Variants in DYM observed in about 807,000 individuals in gnomAD.
The protein encoded by DYM is dymeclin.
In DYM, 78 loss-of-function variants were observed where a neutral mutation model predicts 93.1. That is an observed-to-expected ratio of 0.84 (90% CI 0.70 to 1.01). The LOEUF (loss-of-function observed/expected upper bound fraction) is 1.01. DYM is among the 50% of genes least tolerant of loss of function. The probability of loss-of-function intolerance (pLI) is 0.00; values close to 1 mark genes in which losing one functional copy is unlikely to be tolerated. For synonymous variants in DYM, 321 were observed against 319.7 expected (o/e 1.00, Z -0.04); for missense variants, 789 against 845.0 (o/e 0.93, Z 0.82).
At chr18:49,090,442 A>C (rs1213262948) in intron 17 of DYM, among the ~76,000 whole-genome samples, 1 of 152,252 alleles carries the variant, frequency 6.6e-6, no homozygotes, top group African/African-American at 2.4e-5. Context: ...AAAAATAAAA[A>C]CAGGAGAAAA....
intron 17 of DYM, among the ~76,000 whole-genome samples, chr18:49,060,807 C>G (rs2075929038): frequency 7.1e-6 from 1 of 141,592 alleles, no homozygotes; most frequent in South Asian, 2.2e-4. Context: ...GAGAGAGAGA[C>G]CGTGAAAAGT....
intron 13 of DYM, among the ~76,000 whole-genome samples, chr18:49,229,679 G>A (rs1246874971): frequency 1.3e-5 from 2 of 152,066 alleles, no homozygotes; most frequent in African/African-American, 4.8e-5. Context: ...AATGCAAAAT[G>A]GTATGGCCAC....
intron 2 of DYM, among the ~76,000 whole-genome samples, chr18:49,410,433 G>T (rs1294804500): frequency 6.7e-6 from 1 of 150,288 alleles, no homozygotes; most frequent in African/African-American, 2.4e-5. Flanking sequence ...AGGGATTAAG[G>T]TTAAAAAAAA....
chr18:49,362,558 T>C (rs1041760793), intron 6 of DYM, among the ~76,000 whole-genome samples: 4 of 152,170 alleles, frequency 2.6e-5, no homozygotes, highest in Admixed American at 6.5e-5. Context: ...TCTTGGTTCA[T>C]GGTGCCAAGA....
chr18:49,091,137 A>G (rs2079012693), intron 17 of DYM, among the ~76,000 whole-genome samples: 1 of 152,148 alleles, frequency 6.6e-6, no homozygotes, highest in Non-Finnish European at 1.5e-5. Context: ...GTTCGTTGGT[A>G]TCCCTCTCTT....
chr18:49,289,750 TATATATATATATATATATATATACAC>T (rs2059949083), intron 8 of DYM, among the ~76,000 whole-genome samples: 4 of 41,554 alleles, frequency 9.6e-5, no homozygotes, highest in Admixed American at 5.9e-4. Flanking sequence ...TATATATATA[TATATATATATATATATATATATACAC>T]ATATATATAT....
chr18:49,097,874 G>GTTCT (rs368456184), intron 16 of DYM, among the ~76,000 whole-genome samples: 1 of 141,180 alleles, frequency 7.1e-6, no homozygotes, highest in Non-Finnish European at 1.5e-5. Context: ...CTTAATATTA[G>GTTCT]CTCTCTCTCT....
rs1232310793 is a variant in DYM at position 49,357,650 on chromosome 18, G to A, written c.494+5511C>T. Reference sequence around the variant, plus strand: ...AAAATGCTTTAAGCACAGTGAACAGGTTAGACCCTTACTAATTTACTCAGT... The same window carrying A: ...AAAATGCTTTAAGCACAGTGAACAGATTAGACCCTTACTAATTTACTCAGT... On this transcript the variant is annotated intron_variant, in intron 6 of 17. Coordinates refer to ENST00000675505, the MANE Select transcript of DYM (RefSeq NM_001353214.3). 2.6e-5 allele frequency among the ~76,000 whole-genome samples: 4 copies of A among 152,272 alleles called. No individual in the cohort carries two copies. The East Asian group carries it at 7.7e-4, about 29-fold the overall frequency.
At chr18:49,234,222 AG>A (rs1446886740) in intron 13 of DYM, among the ~76,000 whole-genome samples, 1 of 152,144 alleles carries the variant, frequency 6.6e-6, no homozygotes, top group Non-Finnish European at 1.5e-5. Context: ...TGGGAGGTCG[AG>A]GTAGGAGGAT....
intron 1 of DYM, among the ~76,000 whole-genome samples, chr18:49,433,847 G>A (rs1363963862): frequency 4.0e-5 from 6 of 151,400 alleles, no homozygotes; most frequent in South Asian, 4.2e-4. Context: ...CAGCCTGGGC[G>A]ACAGAGTGAA....
rs56240607 is a variant in DYM at position 49,289,404 on chromosome 18, T to TAAAAAAAAAAAAAAAAAAAAA, written c.764-2809_764-2789dup. On this transcript the variant is annotated intron_variant, in intron 8 of 17. Transcript: ENST00000675505. Reference sequence around the variant, plus strand: ...ATTTTTTTAAAAATCTACAAATCAGTAAAAAAAAAAAAAAAAAAAAAAAAA... The same window carrying TAAAAAAAAAAAAAAAAAAAAA: ...ATTTTTTTAAAAATCTACAAATCAGTAAAAAAAAAAAAAAAAAAAAAAAAAAAAAAAAAAAAAAAAAAAAAA... 1.2e-4 allele frequency among the ~76,000 whole-genome samples: 4 copies of TAAAAAAAAAAAAAAAAAAAAA among 33,508 alleles called. 1 individual carries two copies. The highest frequency in any genetic ancestry group is 4.9e-4 in the African/African-American group (4 of 8,172). The allele number at this position is 33,508 out of a possible 152,430, so 22.0% of individuals were successfully genotyped here. A position where few individuals can be genotyped will look rare whatever the true frequency, so the allele number is the denominator to read the frequency against.
At chr18:49,185,729 C>T (rs1453749728) in intron 14 of DYM, among the ~76,000 whole-genome samples, 7 of 152,168 alleles carry the variant, frequency 4.6e-5, no homozygotes, top group Non-Finnish European at 8.8e-5. Context: ...TACACATGGC[C>T]TCGTTTAATC....
chr18:49,163,421 C>T (rs187289868), intron 15 of DYM, among the ~76,000 whole-genome samples: 48 of 152,318 alleles, frequency 3.2e-4, no homozygotes, highest in African/African-American at 1.1e-3. Flanking sequence ...TCTCAGCTCA[C>T]TGCAACCTCT....
At chr18:49,345,486 G>T (rs550738688) in intron 6 of DYM, among the ~76,000 whole-genome samples, 1 of 152,244 alleles carries the variant, frequency 6.6e-6, no homozygotes, top group African/African-American at 2.4e-5. Context: ...AAGGTGGCAA[G>T]GGAAGTGTCT....
chr18:49,317,603 T>TC (rs1279265695), intron 8 of DYM, among the ~76,000 whole-genome samples: 3 of 18,116 alleles, frequency 1.7e-4, no homozygotes, highest in African/African-American at 2.8e-4. Context: ...CTCTCCCCCC[T>TC]CCCCCCTCCC....
At chr18:49,076,848 A>T (rs1197970811) in intron 17 of DYM, among the ~76,000 whole-genome samples, 1 of 152,196 alleles carries the variant, frequency 6.6e-6, no homozygotes, top group Non-Finnish European at 1.5e-5. Flanking sequence ...GCGAGAAGGA[A>T]TGTGGAGAAA....
At chr18:49,195,608 A>G (rs138898654) in intron 14 of DYM, among the ~76,000 whole-genome samples, 91 of 152,284 alleles carry the variant, frequency 6.0e-4, no homozygotes, top group African/African-American at 2.1e-3. Context: ...CCCAGAATTG[A>G]AGCCAAAGCA....
At position 49,342,940 on chromosome 18, in the gene DYM, T is replaced by C. The variant is rs149780508; in HGVS notation, c.495-9087A>G. Among the ~76,000 whole-genome samples the C allele has an allele frequency of 2.0e-3, 298 of 152,242 alleles. 4 individuals are homozygous for C. The highest frequency in any genetic ancestry group is 2.7e-3 in the East Asian group (14 of 5,190). On this transcript the variant is annotated intron_variant, in intron 6 of 17. Transcript: ENST00000675505. ...ACCCAACAATGTATTTCTCACAATA[T>C]CCCCATCATTAAGCAATGCATAACT...
At chr18:49,424,825 C>A (rs1341096570) in intron 2 of DYM, among the ~76,000 whole-genome samples, 1 of 152,048 alleles carries the variant, frequency 6.6e-6, no homozygotes, top group Non-Finnish European at 1.5e-5. Flanking sequence ...ACCTAGGAAT[C>A]CAACTTACAA....
Sources: gnomAD v4.1 joint callset for allele counts (sites outside exome capture counted in the v4.1 genomes callset) on GRCh38, gnomAD v4.1.1 for gene constraint, MANE v1.5 for transcripts, NCBI Gene and HGNC (gene_info 2026-07-23, HGNC 2026-07-21) for gene names.